Variants in MON1A observed in about 807,000 individuals in gnomAD.
MON1A encodes MON1 vesicular trafficking associated A.
A neutral mutation model predicts 44.6 loss-of-function variants in MON1A; 29 were observed. That is an observed-to-expected ratio of 0.65 (90% confidence interval 0.48 to 0.89). MON1A has a LOEUF of 0.89. MON1A is among the 40% of genes least tolerant of loss of function. The pLI, the probability that MON1A is intolerant of heterozygous loss-of-function variation, is 0.00. For synonymous variants in MON1A, 275 were observed against 316.4 expected (o/e 0.87, Z 1.39); for missense variants, 615 against 759.6 (o/e 0.81, Z 2.24).
chr3:49,926,389 T>G (rs1320569547), intron 1 of MON1A, among the ~76,000 whole-genome samples: 1 of 152,226 alleles, frequency 6.6e-6, no homozygotes, highest in African/African-American at 2.4e-5. Flanking sequence ...CCCTGCTTTA[T>G]TTCTCTGGAT....
Position 49,911,868 on chromosome 3 carries a change from T to A in MON1A, c.271A>T (p.Ser91Cys). 1 of 1,614,148 alleles carries A rather than the reference T, an allele frequency of 6.2e-7. No individual in the cohort carries two copies. Among genetic ancestry groups the A allele is most frequent in the Non-Finnish European group, 8.5e-7 (1 of 1,180,020 alleles). Residue 91 changes from serine (S) to cysteine (C), a missense_variant, in exon 3 of 6, where the codon AGC becomes TGC. Coordinates refer to ENST00000296473, the MANE Select transcript of MON1A (RefSeq NM_032355.4). This position sits in a 1 kb window ranked among gnomAD's most constrained non-coding sequence, Gnocchi z 5.7. Reference protein sequence around the residue: ...PPLPTDMRQISQDFSELSTQL... With the variant: ...PPLPTDMRQICQDFSELSTQL... Reference sequence around the variant, plus strand: ...GTGCTTAGCTCGCTAAAGTCCTGGCTGATCTGGCGCATGTCTGTAGGCAGC... The same window carrying A: ...GTGCTTAGCTCGCTAAAGTCCTGGCAGATCTGGCGCATGTCTGTAGGCAGC...
In MON1A at chr3:49,928,659, C is replaced by T. The variant is rs546350511; in HGVS notation, c.-14+950G>A. On this transcript the variant is annotated intron_variant, in intron 1 of 5. Transcript: ENST00000296473. The stretch of plus-strand genomic sequence containing the variant: ...CTTGCTTGGATAGCACTTCATTTCA[C>T]CTTAACCCTTTGGAGCGGCCTGTCT... Among the ~76,000 whole-genome samples, 61 of 152,240 alleles carry T rather than the reference C, an allele frequency of 4.0e-4. No individual in the cohort carries two copies. The South Asian group carries it at 0.012, about 31-fold the overall frequency.
Position 49,909,938 on chromosome 3 carries a change from G to A in MON1A, c.1379+181C>T. The A allele has an allele frequency of 1.5e-6, 1 of 670,436 alleles. No individual in the cohort carries two copies. The highest frequency in any genetic ancestry group is 2.6e-5 in the Admixed American group (1 of 37,982). 41.5% of individuals were successfully genotyped at this position (670,436 alleles called of 1,614,324 possible). A position where few individuals can be genotyped will look rare whatever the true frequency, so the allele number is the denominator to read the frequency against. ...CTGGTTAATAAAGTAGAGAGGGTAT[G>A]CTCATGGGGTGATGGAGAGTCTGGG... On this transcript the variant is annotated intron_variant, in intron 4 of 5. Transcript: ENST00000296473. The surrounding 1 kb of genome is among the most constrained non-coding windows in gnomAD (Gnocchi z 4.0).
chr3:49,928,144 A>G (rs2083065860), intron 1 of MON1A, among the ~76,000 whole-genome samples: 1 of 152,204 alleles, frequency 6.6e-6, no homozygotes, highest in Non-Finnish European at 1.5e-5. Flanking sequence ...TCAGCTGGCC[A>G]GAGCTAGTGG....
chr3:49,910,921 G>A lies in MON1A; in HGVS notation c.614-37C>T. ...ACAGGAAAGAAGGATGTCAGCCTCA[G>A]CGGCAGCTCCCTCCGAAAACCGCCT... is the stretch of plus-strand genomic sequence containing the variant. On this transcript the variant is annotated intron_variant, in intron 3 of 5. Transcript: ENST00000296473. This position sits in a 1 kb window ranked among gnomAD's most constrained non-coding sequence, Gnocchi z 8.0. 1 of 1,548,920 alleles carries A rather than the reference G, an allele frequency of 6.5e-7. No homozygotes were observed. Among genetic ancestry groups the A allele is most frequent in the Non-Finnish European group, 8.7e-7 (1 of 1,147,362 alleles).
chr3:49,921,892 C>G (rs1485024735), intron 1 of MON1A, among the ~76,000 whole-genome samples: 4 of 152,026 alleles, frequency 2.6e-5, no homozygotes, highest in Admixed American at 2.6e-4. Context: ...AATCCCAGCA[C>G]TTTGGGAGGC....
intron 2 of MON1A, 97 bp downstream of exon 2, chr3:49,913,123 C>G (rs867720457): frequency 2.0e-6 from 3 of 1,512,986 alleles, no homozygotes; most frequent in Middle Eastern, 3.4e-4. Context: ...CTGACAAATG[C>G]ATGAATAAGT....
At position 49,929,670 on chromosome 3, in the gene MON1A, A is replaced by T; in HGVS notation, c.-75T>A. 6.4e-7 allele frequency: 1 copy of T among 1,551,292 alleles called. No homozygotes were observed. The highest frequency in any genetic ancestry group is 8.7e-7 in the Non-Finnish European group (1 of 1,146,916). ...CCGGTCACTGCCCTCTGCCGGACCC[A>T]TGGAGGGGTAAGGGTGTCCGGCCGG... On this transcript the variant is annotated 5_prime_UTR_variant, in exon 1 of 6. An upstream start codon of the reference 5' UTR is lost. Transcript: ENST00000296473.
chr3:49,920,688 A>T (rs1053983793), intron 1 of MON1A: 1 of 152,028 alleles, frequency 6.6e-6, no homozygotes, highest in Non-Finnish European at 1.5e-5. Flanking sequence ...AAATATGAAA[A>T]TTAGCTGGGT....
At chr3:49,915,021 C>T (rs1056288944) in intron 1 of MON1A, among the ~76,000 whole-genome samples, 3 of 152,192 alleles carry the variant, frequency 2.0e-5, no homozygotes, top group Non-Finnish European at 2.9e-5. Flanking sequence ...AATAATTAAA[C>T]AAACTGATAG....
chr3:49,914,786 T>A (rs2082929139), intron 1 of MON1A, among the ~76,000 whole-genome samples: 1 of 151,918 alleles, frequency 6.6e-6, no homozygotes, highest in African/African-American at 2.4e-5. Context: ...GACCTTGTGA[T>A]CCGCCTGCCT....
chr3:49,910,418 C>G lies in MON1A; in HGVS notation c.1080G>C (p.Glu360Asp). ...NLISSSSSFR[E>D]GEAWTPVCLP... ...GGCACACGGGCGTCCAGGCCTCGCC[C>G]TCGCGAAAGGACGAGGAGGAACTAA... The change falls in exon 4 of 6, where the codon GAG becomes GAC. Residue 360 changes from glutamate (E) to aspartate (D), a missense_variant. Glu to Asp is a conservative substitution (Grantham distance 45). Coordinates refer to ENST00000296473, the MANE Select transcript of MON1A (RefSeq NM_032355.4). This position sits in a 1 kb window ranked among gnomAD's most constrained non-coding sequence, Gnocchi z 8.0. 6.2e-7 allele frequency: 1 copy of G among 1,614,226 alleles called. No homozygotes were observed. The highest frequency in any genetic ancestry group is 8.5e-7 in the Non-Finnish European group (1 of 1,180,042).
At chr3:49,929,434 T>C (rs1339256103) in intron 1 of MON1A, 175 bp downstream of exon 1, 20 of 757,248 alleles carry the variant, frequency 2.6e-5, no homozygotes, top group South Asian at 2.1e-4. Flanking sequence ...TCTCGCCTTT[T>C]GTATTCCCCA....
At position 49,911,981 on chromosome 3, in the gene MON1A, T is replaced by G; in HGVS notation, c.158A>C (p.His53Pro). The G allele has an allele frequency of 1.2e-6, 2 of 1,602,060 alleles. No individual in the cohort carries two copies. The highest frequency in any genetic ancestry group is 1.7e-4 in the Middle Eastern group (1 of 5,992). Residue 53 changes from histidine (H) to proline (P), a missense_variant, in exon 3 of 6, where the codon CAT becomes CCT. By Grantham distance (77) the His-to-Pro change is moderately conservative. Transcript: ENST00000296473. The surrounding 1 kb of genome is among the most constrained non-coding windows in gnomAD (Gnocchi z 5.7). ...AGTCAGGTCCTCGTAGGAACGGGCA[T>G]GGACGAACATGGCACCCTCCTGGCC... ...GAGQEGAMFV[H>P]ARSYEDLTES...
intron 2 of MON1A, 30 bp downstream of exon 2, chr3:49,913,190 A>C (rs779367011): frequency 1.9e-6 from 3 of 1,614,116 alleles, no homozygotes; most frequent in Non-Finnish European, 2.5e-6. Flanking sequence ...TCTGGTTGGC[A>C]GCTGGCTGAG....
At chr3:49,918,417 CTT>C (rs530137835) in intron 1 of MON1A, among the ~76,000 whole-genome samples, 3 of 145,716 alleles carry the variant, frequency 2.1e-5, no homozygotes, top group Non-Finnish European at 1.5e-5. Context: ...GGCCTTCCCT[CTT>C]TTTTTTTTTT....
rs2082872919 is a variant in MON1A, at chr3:49,911,117, T to C, written c.614-233A>G. Among the ~76,000 whole-genome samples, 1 of 152,022 alleles carries C rather than the reference T, an allele frequency of 6.6e-6. No homozygotes were observed. The highest frequency in any genetic ancestry group is 6.6e-5 in the Admixed American group (1 of 15,258). On this transcript the variant is annotated intron_variant, in intron 3 of 5. Coordinates refer to ENST00000296473, the MANE Select transcript of MON1A (RefSeq NM_032355.4). The surrounding 1 kb of genome is among the most constrained non-coding windows in gnomAD (Gnocchi z 5.7). ...GCTCCCTCTGAAACACACATTCTTA[T>C]GCTAAGTGCTAAGTCAACTGGCAAC...
In MON1A at chr3:49,910,435, AG is replaced by A. The variant is rs1156741803; in HGVS notation, c.1062del (p.Ser355ProfsTer31). Reference sequence around the variant, plus strand: ...GCCTCGCCCTCGCGAAAGGACGAGGAGGAACTAATGAGGTTGAAGAGCAGGT... The same window carrying A: ...GCCTCGCCCTCGCGAAAGGACGAGGAGAACTAATGAGGTTGAAGAGCAGGT... ...DLHLLFNLIS[S>X]SSSFREGEAW... On this transcript the variant is annotated frameshift_variant, in exon 4 of 6. Transcript: ENST00000296473. LOFTEE classifies it high-confidence loss of function. This position sits in a 1 kb window ranked among gnomAD's most constrained non-coding sequence, Gnocchi z 8.0. 1.2e-6 allele frequency: 2 copies of A among 1,614,208 alleles called. No individual in the cohort carries two copies. The highest frequency in any genetic ancestry group is 2.2e-5 in the South Asian group (2 of 91,086).
chr3:49,916,122 G>C (rs572359405), intron 1 of MON1A: 1 of 152,382 alleles, frequency 6.6e-6, no homozygotes, highest in African/African-American at 2.4e-5. Context: ...CTGCATCCCA[G>C]AACACAGAGT....
Sources: allele counts gnomAD v4.1 joint callset (sites outside exome capture counted in the v4.1 genomes callset), GRCh38; gene constraint gnomAD v4.1.1; non-coding constraint Gnocchi (gnomAD v3.1); transcripts MANE v1.5; gene names NCBI Gene and HGNC (gene_info 2026-07-23, HGNC 2026-07-21).